Variants in CCSER1 observed in about 807,000 individuals in gnomAD.
CCSER1 encodes serine-rich coiled-coil domain-containing protein 1.
Under a neutral mutation model 82.0 loss-of-function variants are expected in CCSER1, and 41 were observed. The ratio of observed to expected loss-of-function variants is 0.50; its 90% CI spans 0.39 to 0.65. The LOEUF (loss-of-function observed/expected upper bound fraction) is 0.65. Among genes scored for constraint, CCSER1 ranks in the 30% least tolerant of loss-of-function variants. CCSER1 has a pLI of 0.00. For synonymous variants in CCSER1, 414 were observed against 383.9 expected (o/e 1.08, Z -0.92); for missense variants, 1,119 against 1,064.2 (o/e 1.05, Z -0.72).
intron 4 of CCSER1, among the ~76,000 whole-genome samples, chr4:90,427,359 A>C (rs1757666349): frequency 6.6e-6 from 1 of 151,858 alleles, no homozygotes; most frequent in African/African-American, 2.4e-5. Context: ...CTGATGGTAC[A>C]TCACTAAGTA....
At chr4:90,234,019 A>G (rs1404617428) in intron 1 of CCSER1, among the ~76,000 whole-genome samples, 1 of 152,198 alleles carries the variant, frequency 6.6e-6, no homozygotes, top group African/African-American at 2.4e-5. Context: ...CATTTAAAAA[A>G]TGTTGTGCTT....
intron 4 of CCSER1, among the ~76,000 whole-genome samples, chr4:90,416,544 T>G (rs1032881512): frequency 6.6e-6 from 1 of 152,166 alleles, no homozygotes; most frequent in African/African-American, 2.4e-5. Flanking sequence ...ATGAGTGACA[T>G]GCAAAGTTCT....
In CCSER1 at chr4:90,239,039, C is replaced by T. The variant is rs367809098; in HGVS notation, c.-41-69205C>T. Among the ~76,000 whole-genome samples the T allele has an allele frequency of 4.5e-4, 69 of 152,118 alleles. 1 individual carries two copies. In the South Asian group the frequency reaches 0.013, roughly 28 times the overall value. ...CTAATTTTTGTATTTTTAGTAGAGA[C>T]GGGGTTTTACCATGTTGGCCAGGCT... On this transcript the variant is annotated intron_variant, in intron 1 of 10. Coordinates refer to ENST00000509176, the MANE Select transcript of CCSER1 (RefSeq NM_001145065.2).
At chr4:91,194,864 G>A (rs954425712) in intron 10 of CCSER1, among the ~76,000 whole-genome samples, 1 of 152,124 alleles carries the variant, frequency 6.6e-6, no homozygotes, top group Admixed American at 6.5e-5. Context: ...TAATTAATTG[G>A]AGTCTTTAAC....
chr4:90,696,747 A>G (rs1381417444), intron 6 of CCSER1, among the ~76,000 whole-genome samples: 1 of 152,110 alleles, frequency 6.6e-6, no homozygotes, highest in African/African-American at 2.4e-5. Context: ...AACCTTTAAG[A>G]GTGGGTTCTA....
chr4:90,393,752 T>C (rs1036018252), intron 3 of CCSER1, among the ~76,000 whole-genome samples: 1 of 151,352 alleles, frequency 6.6e-6, no homozygotes, highest in Non-Finnish European at 1.5e-5. Flanking sequence ...GAACCGACTT[T>C]ATACAATAGT....
intron 5 of CCSER1, among the ~76,000 whole-genome samples, chr4:90,510,042 G>A (rs773225644): frequency 1.3e-5 from 2 of 152,134 alleles, no homozygotes; most frequent in Non-Finnish European, 2.9e-5. Context: ...ATCTCACAGT[G>A]TGCTAGAACT....
At chr4:91,211,969 G>A (rs1473542970) in intron 10 of CCSER1, among the ~76,000 whole-genome samples, 2 of 152,104 alleles carry the variant, frequency 1.3e-5, no homozygotes, top group African/African-American at 4.8e-5. Flanking sequence ...ATTTGTGGCA[G>A]TGGCTAACAG....
chr4:90,370,312 G>A lies in CCSER1; in HGVS notation c.1510-29724G>A, dbSNP rs1328928007. 3 of 151,938 alleles carry A rather than the reference G, an allele frequency of 2.0e-5. 1 individual carries two copies. Among genetic ancestry groups the A allele is most frequent in the Non-Finnish European group, 1.5e-5 (1 of 67,958 alleles). The allele number at this position is 151,938 out of a possible 1,614,324, so 9.4% of individuals were successfully genotyped here. Reference sequence around the variant, plus strand: ...GTATGTTTTAAAATTAAGGTTATAGGAAAAAGAAGGTAGCTTTCTAGAACT... The same window carrying A: ...GTATGTTTTAAAATTAAGGTTATAGAAAAAAGAAGGTAGCTTTCTAGAACT... On this transcript the variant is annotated intron_variant, in intron 3 of 10. Transcript: ENST00000509176.
chr4:90,413,289 G>T (rs1054084650), intron 4 of CCSER1, among the ~76,000 whole-genome samples: 1 of 152,102 alleles, frequency 6.6e-6, no homozygotes, highest in Non-Finnish European at 1.5e-5. Flanking sequence ...AGTGCTGAAA[G>T]AAATTATCAG....
At chr4:90,135,617 A>T (rs1723547011) in intron 1 of CCSER1, among the ~76,000 whole-genome samples, 1 of 152,150 alleles carries the variant, frequency 6.6e-6, no homozygotes, top group Admixed American at 6.5e-5. Flanking sequence ...TTTTCTAAGT[A>T]TTTACAGCTG....
intron 9 of CCSER1, among the ~76,000 whole-genome samples, chr4:91,004,817 A>T (rs1338562612): frequency 6.6e-6 from 1 of 152,156 alleles, no homozygotes; most frequent in Non-Finnish European, 1.5e-5. Flanking sequence ...CATTTTATGT[A>T]TTTCTGGGTA....
chr4:91,177,085 T>C (rs547425080), intron 10 of CCSER1, among the ~76,000 whole-genome samples: 1 of 152,300 alleles, frequency 6.6e-6, no homozygotes, highest in Non-Finnish European at 1.5e-5. Flanking sequence ...ATCATGTGGT[T>C]TTTGTCTTCG....
At chr4:91,556,081 A>G (rs1280361252) in intron 10 of CCSER1, among the ~76,000 whole-genome samples, 1 of 151,384 alleles carries the variant, frequency 6.6e-6, no homozygotes, top group South Asian at 2.1e-4. Context: ...GCCTTAGCAC[A>G]TAACACATAT....
chr4:90,563,008 T>C lies in CCSER1; in HGVS notation c.1725-65017T>C, dbSNP rs377523904. On this transcript the variant is annotated intron_variant, in intron 5 of 10. Transcript: ENST00000509176. ...AAACTAATATTGAATTTCATGCCCT[T>C]CTGAATTTCTGTGAAAATTTACCAT... Among the ~76,000 whole-genome samples, 25 of 152,208 alleles carry C rather than the reference T, an allele frequency of 1.6e-4. No individual in the cohort carries two copies. In the East Asian group the frequency reaches 4.6e-3, roughly 28 times the overall value.
chr4:91,200,057 G>A (rs1436051581), intron 10 of CCSER1, among the ~76,000 whole-genome samples: 1 of 151,900 alleles, frequency 6.6e-6, no homozygotes, highest in East Asian at 1.9e-4. Context: ...ATTAAGTGAG[G>A]AATTTATGTT....
chr4:90,946,964 C>G (rs9997371), intron 9 of CCSER1, among the ~76,000 whole-genome samples: 6,789 of 152,248 alleles, frequency 0.045, 424 homozygotes, highest in African/African-American at 0.14. Flanking sequence ...TCCAGGCTCC[C>G]TCACTCTAAG....
At chr4:90,276,218 CTTTCTTTCTTTCTTTCTTTCTTTCTTTCT>C (rs1727571652) in intron 1 of CCSER1, among the ~76,000 whole-genome samples, 6 of 91,684 alleles carry the variant, frequency 6.5e-5, no homozygotes, top group African/African-American at 2.6e-4. Flanking sequence ...TTCTTTCTTT[CTTTCTTTCTTTCTTTCTTTCTTTCTTTCT>C]TTCTTTCCTT....
intron 10 of CCSER1, among the ~76,000 whole-genome samples, chr4:91,224,121 C>T (rs1464226564): frequency 2.0e-5 from 3 of 151,540 alleles, no homozygotes; most frequent in South Asian, 2.1e-4. Context: ...TAATAACTCC[C>T]GCGCTTAATG....
Sources: allele counts gnomAD v4.1 joint callset (sites outside exome capture counted in the v4.1 genomes callset), GRCh38; gene constraint gnomAD v4.1.1; transcripts MANE v1.5; gene names NCBI Gene and HGNC (gene_info 2026-07-23, HGNC 2026-07-21).